Variants in SNTG1 observed in about 807,000 individuals in gnomAD.
The protein encoded by SNTG1 is syntrophin gamma 1.
In SNTG1, 39 loss-of-function variants were observed where a neutral mutation model predicts 74.7. That is an observed-to-expected ratio of 0.52 (90% CI 0.40 to 0.68). SNTG1 has a LOEUF of 0.68. SNTG1 is among the 30% of genes least tolerant of loss of function. The pLI, the probability that SNTG1 is intolerant of heterozygous loss-of-function variation, is 0.00. For synonymous variants in SNTG1, 254 were observed against 217.1 expected, an observed-to-expected ratio of 1.17 and a Z score of -1.49; for missense variants, 685 against 609.5, an observed-to-expected ratio of 1.12 and a Z score of -1.30.
At chr8:50,206,793 CA>C (rs1157981097) in intron 2 of SNTG1, among the ~76,000 whole-genome samples, 1 of 152,142 alleles carries the variant, frequency 6.6e-6, no homozygotes, top group Non-Finnish European at 1.5e-5. Flanking sequence ...TGAATTTTGT[CA>C]AAGGCCTTTT....
At chr8:50,123,840 T>C (rs2081065968) in intron 1 of SNTG1, among the ~76,000 whole-genome samples, 2 of 142,638 alleles carry the variant, frequency 1.4e-5, no homozygotes, top group Non-Finnish European at 3.1e-5. Flanking sequence ...TCTTAAGTGA[T>C]GTGCCCAAGT....
chr8:50,542,400 A>G (rs2094354989), intron 11 of SNTG1, among the ~76,000 whole-genome samples: 1 of 151,512 alleles, frequency 6.6e-6, no homozygotes, highest in Non-Finnish European at 1.5e-5. Context: ...CAAGTGATCC[A>G]CCCGCCTCGG....
intron 15 of SNTG1, among the ~76,000 whole-genome samples, chr8:50,671,059 C>A (rs892746852): frequency 2.6e-5 from 4 of 151,314 alleles, no homozygotes; most frequent in Non-Finnish European, 4.4e-5. Context: ...GGATTAAAGA[C>A]TTAAATGTTA....
chr8:49,999,648 A>G (rs1019060744), intron 1 of SNTG1, among the ~76,000 whole-genome samples: 5 of 151,824 alleles, frequency 3.3e-5, no homozygotes, highest in African/African-American at 9.7e-5. Flanking sequence ...TCTTCCCCCA[A>G]TGTCTGCATG....
intron 15 of SNTG1, among the ~76,000 whole-genome samples, chr8:50,673,438 A>G (rs1416518594): frequency 6.6e-6 from 1 of 152,058 alleles, no homozygotes; most frequent in Non-Finnish European, 1.5e-5. Flanking sequence ...CTTTGTAGCC[A>G]TTGTGAATGG....
At chr8:50,528,805 AT>A (rs556450377) in intron 9 of SNTG1, among the ~76,000 whole-genome samples, 36 of 146,294 alleles carry the variant, frequency 2.5e-4, no homozygotes, top group South Asian at 6.4e-4. Context: ...TTTTTTCTAA[AT>A]TTTTTTTTTG....
intron 2 of SNTG1, among the ~76,000 whole-genome samples, chr8:50,246,043 A>T (rs979777685): frequency 2.0e-5 from 3 of 151,644 alleles, no homozygotes; most frequent in African/African-American, 7.3e-5. Context: ...AAAGAAAAAC[A>T]GTGGAAAACA....
intron 2 of SNTG1, among the ~76,000 whole-genome samples, chr8:50,371,206 G>T (rs1182704454): frequency 2.6e-5 from 4 of 152,082 alleles, no homozygotes; most frequent in African/African-American, 9.7e-5. Context: ...CTTAACCATT[G>T]GTCACCACGT....
Position 50,553,168 on chromosome 8 carries a change from A to G in SNTG1, c.799A>G (p.Thr267Ala), listed in dbSNP as rs2130608504. The change falls in exon 12 of 19, where the codon ACA becomes GCA. Residue 267 changes from threonine to alanine, a missense_variant. Coordinates refer to ENST00000642720, the MANE Select transcript of SNTG1 (RefSeq NM_018967.5). ...QAIATNISNLTKHNIKKINRN... is the reference protein window; with the variant it reads ...QAIATNISNLAKHNIKKINRN... ...AATAGCAACTAACATTTCAAATCTC[A>G]CAAAGCACAATGTAAGTAATGATTC... 1 of 1,613,828 alleles carries G rather than the reference A, an allele frequency of 6.2e-7. No individual in the cohort carries two copies. Among genetic ancestry groups the G allele is most frequent in the African/African-American group, 1.3e-5 (1 of 75,038 alleles).
intron 1 of SNTG1, among the ~76,000 whole-genome samples, chr8:49,990,829 A>T (rs1463215380): frequency 6.6e-6 from 1 of 152,204 alleles, no homozygotes; most frequent in Non-Finnish European, 1.5e-5. Context: ...CTAAAACTAC[A>T]AATATTATTC....
chr8:50,090,810 C>T (rs1482432908), intron 1 of SNTG1, among the ~76,000 whole-genome samples: 1 of 151,836 alleles, frequency 6.6e-6, no homozygotes, highest in Non-Finnish European at 1.5e-5. Flanking sequence ...ACCTGAGACA[C>T]AAAGAAACAG....
chr8:50,200,633 C>A (rs141169804), intron 2 of SNTG1, among the ~76,000 whole-genome samples: 178 of 152,154 alleles, frequency 1.2e-3, no homozygotes, highest in Middle Eastern at 6.8e-3. Flanking sequence ...AATTTAGTCA[C>A]CAGAAGCACA....
intron 2 of SNTG1, among the ~76,000 whole-genome samples, chr8:50,318,349 G>A (rs991806991): frequency 4.6e-5 from 7 of 152,184 alleles, no homozygotes; most frequent in African/African-American, 1.7e-4. Context: ...TGCATAAAAA[G>A]CATCGGTATT....
chr8:50,651,816 G>A (rs540595800), intron 13 of SNTG1, among the ~76,000 whole-genome samples: 4 of 151,106 alleles, frequency 2.6e-5, no homozygotes, highest in Admixed American at 6.6e-5. Flanking sequence ...TTTCGCTCTT[G>A]TTGCCCAGGC....
chr8:50,431,302 C>T (rs1227701968), intron 4 of SNTG1, among the ~76,000 whole-genome samples: 1 of 152,062 alleles, frequency 6.6e-6, no homozygotes, highest in Non-Finnish European at 1.5e-5. Context: ...AACAAATGTT[C>T]CCCTCTGATA....
At chr8:50,165,753 G>A (rs936002249) in intron 1 of SNTG1, among the ~76,000 whole-genome samples, 4 of 152,104 alleles carry the variant, frequency 2.6e-5, no homozygotes, top group Non-Finnish European at 4.4e-5. Flanking sequence ...CGAGATATAT[G>A]TTGATACATA....
At chr8:50,227,921 C>CAAAAAAAAAA (rs60255876) in intron 2 of SNTG1, among the ~76,000 whole-genome samples, 1 of 136,218 alleles carries the variant, frequency 7.3e-6, no homozygotes, top group African/African-American at 2.7e-5. Context: ...AAACAACAAC[C>CAAAAAAAAAA]AAAAAAAAAA....
At chr8:50,730,549 T>C (rs1044593819) in intron 17 of SNTG1, among the ~76,000 whole-genome samples, 2 of 152,150 alleles carry the variant, frequency 1.3e-5, no homozygotes, top group African/African-American at 2.4e-5. Context: ...AACAAGAGGA[T>C]GTGTTTTGCA....
In SNTG1 at chr8:50,288,877, T is replaced by C. The variant is rs554851484; in HGVS notation, c.-27-105335T>C. ...TTTTCAGTGTCTCTTCTCCTTAAAATAAACACTACAATTTTATCCTTTTCT... is the reference window on the plus strand; with the variant it reads ...TTTTCAGTGTCTCTTCTCCTTAAAACAAACACTACAATTTTATCCTTTTCT... On this transcript the variant is annotated intron_variant, in intron 2 of 18. Transcript: ENST00000642720. 1.3e-3 allele frequency among the ~76,000 whole-genome samples: 203 copies of C among 152,290 alleles called. No individual in the cohort carries two copies. The Middle Eastern group carries it at 0.02, about 15-fold the overall frequency.
Sources: gnomAD v4.1 joint callset for allele counts (sites outside exome capture counted in the v4.1 genomes callset) on GRCh38, gnomAD v4.1.1 for gene constraint, MANE v1.5 for transcripts, NCBI Gene and HGNC (gene_info 2026-07-23, HGNC 2026-07-21) for gene names.